ANKS1B: variants seen among roughly 807,000 people sequenced by gnomAD.
The protein encoded by ANKS1B is ankyrin repeat and sterile alpha motif domain containing 1B, also known as ankyrin repeat and sterile alpha motif domain-containing protein 1B.
In ANKS1B, 36 loss-of-function variants were observed where a neutral mutation model predicts 148.3. That is an observed-to-expected ratio of 0.24 (90% confidence interval 0.19 to 0.32). The LOEUF is 0.32. Ranked by LOEUF, ANKS1B falls within the 10% of genes least tolerant of loss-of-function variation. ANKS1B has a pLI of 1.00. For synonymous variants in ANKS1B, 542 were observed against 560.8 expected (o/e 0.97, Z 0.47); for missense variants, 1,157 against 1,542.6 (o/e 0.75, Z 4.19).
chr12:98,791,304 C>T (rs956469651), intron 22 of ANKS1B, among the ~76,000 whole-genome samples: 1 of 149,150 alleles, frequency 6.7e-6, no homozygotes, highest in Admixed American at 6.7e-5. Context: ...AAGATTGGGC[C>T]ACTGCACTCC....
At chr12:99,363,096 C>T (rs527435613) in intron 12 of ANKS1B, among the ~76,000 whole-genome samples, 1 of 151,856 alleles carries the variant, frequency 6.6e-6, no homozygotes, top group East Asian at 1.9e-4. Context: ...TTTTCATTAC[C>T]TCATTATGGT....
At chr12:99,075,826 C>A (rs60598676) in intron 16 of ANKS1B, among the ~76,000 whole-genome samples, 1 of 99,928 alleles carries the variant, frequency 1.0e-5, no homozygotes, top group Admixed American at 1.2e-4. Context: ...AATGTATTAT[C>A]GTATATATAA....
chr12:99,475,836 CAA>C (rs1368839932), intron 10 of ANKS1B, among the ~76,000 whole-genome samples: 5 of 151,620 alleles, frequency 3.3e-5, no homozygotes, highest in East Asian at 1.9e-4. Context: ...TTATAAATAA[CAA>C]AGAGTGTATG....
intron 1 of ANKS1B, among the ~76,000 whole-genome samples, chr12:99,922,938 T>TAAAAAA (rs35052869): frequency 6.8e-6 from 1 of 147,072 alleles, no homozygotes; most frequent in South Asian, 2.2e-4. Flanking sequence ...TCCAGAACTA[T>TAAAAAA]AAAAAAAAAA....
chr12:99,455,014 C>T (rs1355553458), intron 10 of ANKS1B, among the ~76,000 whole-genome samples: 3 of 152,194 alleles, frequency 2.0e-5, no homozygotes, highest in African/African-American at 7.2e-5. Flanking sequence ...TACTAATGCA[C>T]TTGTGCTTCA....
chr12:99,250,523 T>C (rs901229109), intron 12 of ANKS1B, among the ~76,000 whole-genome samples: 11 of 152,326 alleles, frequency 7.2e-5, no homozygotes, highest in South Asian at 4.1e-4. Flanking sequence ...CTTCCACCTA[T>C]GTGAGTGAGG....
intron 1 of ANKS1B, among the ~76,000 whole-genome samples, chr12:99,968,295 C>T (rs1049105106): frequency 6.6e-6 from 1 of 152,142 alleles, no homozygotes; most frequent in African/African-American, 2.4e-5. Flanking sequence ...TGGTGGCTGA[C>T]GCCTGTAATC....
At chr12:99,315,280 A>G (rs562874499) in intron 12 of ANKS1B, among the ~76,000 whole-genome samples, 1 of 152,074 alleles carries the variant, frequency 6.6e-6, no homozygotes, top group South Asian at 2.1e-4. Context: ...CAAACAGGCA[A>G]CTTACAAAAC....
chr12:99,718,063 C>T (rs1292273764), intron 8 of ANKS1B, among the ~76,000 whole-genome samples: 2 of 151,670 alleles, frequency 1.3e-5, no homozygotes, highest in African/African-American at 4.8e-5. Context: ...GCTACCACGC[C>T]CGGCTAATTT....
intron 12 of ANKS1B, among the ~76,000 whole-genome samples, chr12:99,332,167 G>A (rs1212532631): frequency 6.6e-6 from 1 of 151,952 alleles, no homozygotes; most frequent in Non-Finnish European, 1.5e-5. Context: ...GCATCTCCTA[G>A]GAGCTTATTA....
At chr12:99,696,719 A>G (rs572014560) in intron 8 of ANKS1B, among the ~76,000 whole-genome samples, 8 of 152,208 alleles carry the variant, frequency 5.3e-5, no homozygotes, top group Non-Finnish European at 7.3e-5. Flanking sequence ...AAAAATTGAT[A>G]AATTAGACTT....
intron 1 of ANKS1B, among the ~76,000 whole-genome samples, chr12:99,842,805 T>C (rs2085963746): frequency 6.6e-6 from 1 of 152,200 alleles, no homozygotes; most frequent in Admixed American, 6.5e-5. Flanking sequence ...ACAAGCATCA[T>C]TGAATAATTT....
intron 8 of ANKS1B, among the ~76,000 whole-genome samples, chr12:99,748,075 G>A (rs1361427698): frequency 6.6e-6 from 1 of 152,066 alleles, no homozygotes; most frequent in Admixed American, 6.6e-5. Flanking sequence ...CAGTTATTAT[G>A]ATTGCGACTA....
intron 8 of ANKS1B, among the ~76,000 whole-genome samples, chr12:99,714,431 T>C (rs1360737235): frequency 2.6e-5 from 4 of 152,216 alleles, no homozygotes; most frequent in Non-Finnish European, 5.9e-5. Flanking sequence ...TGAAGTTTTG[T>C]CACAACCCTG....
intron 17 of ANKS1B, among the ~76,000 whole-genome samples, chr12:99,023,091 T>A (rs6538891): frequency 6.6e-6 from 1 of 151,944 alleles, no homozygotes; most frequent in African/African-American, 2.4e-5. Flanking sequence ...TTTTACATAT[T>A]ATTGTTGTCT....
At chr12:98,781,660 G>A (rs150641082) in intron 23 of ANKS1B, among the ~76,000 whole-genome samples, 28 of 152,192 alleles carry the variant, frequency 1.8e-4, no homozygotes, top group African/African-American at 6.0e-4. Flanking sequence ...CATTCTTCCA[G>A]GCACAGATAA....
chr12:99,820,663 G>C (rs985050512), intron 2 of ANKS1B, among the ~76,000 whole-genome samples: 2 of 151,980 alleles, frequency 1.3e-5, no homozygotes, highest in African/African-American at 4.8e-5. Flanking sequence ...CTGGCTCTGA[G>C]ATACAGTCTA....
intron 12 of ANKS1B, among the ~76,000 whole-genome samples, chr12:99,297,549 G>T (rs1286111524): frequency 2.0e-5 from 3 of 152,190 alleles, no homozygotes; most frequent in African/African-American, 7.2e-5. Context: ...GAATAAAACA[G>T]AGTCTCAATC....
intron 1 of ANKS1B, among the ~76,000 whole-genome samples, chr12:99,952,888 T>A (rs529028559): frequency 6.6e-6 from 1 of 152,238 alleles, no homozygotes; most frequent in Non-Finnish European, 1.5e-5. Flanking sequence ...CCTTTTAAAG[T>A]CTTCTACTGC....
Sources: gnomAD v4.1 joint callset for allele counts (sites outside exome capture counted in the v4.1 genomes callset) on GRCh38, gnomAD v4.1.1 for gene constraint, MANE v1.5 for transcripts, NCBI Gene and HGNC (gene_info 2026-07-23, HGNC 2026-07-21) for gene names.